PPP1R9A: variants seen among roughly 807,000 people sequenced by gnomAD.
PPP1R9A encodes the protein neurabin-1.
A neutral mutation model predicts 141.9 loss-of-function variants in PPP1R9A; 59 were observed. The observed-to-expected ratio is 0.42, with a 90% confidence interval of 0.34 to 0.52. PPP1R9A has a LOEUF of 0.52. Among genes scored for constraint, PPP1R9A ranks in the 20% least tolerant of loss-of-function variants. The pLI is 0.10. For synonymous variants in PPP1R9A, 500 were observed against 569.7 expected (o/e 0.88, Z 1.74); for missense variants, 1,444 against 1,611.9 (o/e 0.90, Z 1.78).
intron 17 of PPP1R9A, among the ~76,000 whole-genome samples, 180 bp from the exon 18 acceptor site, chr7:95,286,026 A>T (rs534560197): frequency 6.6e-6 from 1 of 152,268 alleles, no homozygotes; most frequent in Non-Finnish European, 1.5e-5. Flanking sequence ...AGCACCCAGA[A>T]TTCCCTCAAC....
At chr7:95,102,584 C>T (rs1034321801) in intron 2 of PPP1R9A, among the ~76,000 whole-genome samples, 3 of 152,186 alleles carry the variant, frequency 2.0e-5, no homozygotes, top group African/African-American at 7.2e-5. Context: ...CATGTGGGCC[C>T]CATGCAGTTT....
chr7:95,274,605 G>A (rs1210330603), intron 16 of PPP1R9A, among the ~76,000 whole-genome samples: 1 of 152,132 alleles, frequency 6.6e-6, no homozygotes, highest in Non-Finnish European at 1.5e-5. Flanking sequence ...ATGTATGTAG[G>A]AGTGACCACC....
At chr7:94,985,546 C>G (rs1459486510) in intron 2 of PPP1R9A, among the ~76,000 whole-genome samples, 1 of 152,104 alleles carries the variant, frequency 6.6e-6, no homozygotes, top group African/African-American at 2.4e-5. Context: ...CTTAGCTCTT[C>G]TTGTTGAATT....
intron 5 of PPP1R9A, among the ~76,000 whole-genome samples, chr7:95,185,378 A>ATTTTTTTTTTTTTTTTTTT (rs147366122): frequency 2.7e-5 from 4 of 148,818 alleles, no homozygotes; most frequent in African/African-American, 9.9e-5. Context: ...TTTTTATGGG[A>ATTTTTTTTTTTTTTTTTTT]TTTTTTTTTT....
At chr7:94,970,402 A>T (rs1563063699) in intron 2 of PPP1R9A, among the ~76,000 whole-genome samples, 2 of 152,078 alleles carry the variant, frequency 1.3e-5, no homozygotes, top group Non-Finnish European at 2.9e-5. Context: ...TAGTGGAGGG[A>T]GTTCCCTGAC....
intron 5 of PPP1R9A, among the ~76,000 whole-genome samples, chr7:95,164,313 C>A (rs1042754508): frequency 6.6e-6 from 1 of 152,154 alleles, no homozygotes; most frequent in Non-Finnish European, 1.5e-5. Flanking sequence ...CATTTACCTC[C>A]ATTGTCCATT....
At chr7:95,198,781 G>A (rs957901063) in intron 6 of PPP1R9A, among the ~76,000 whole-genome samples, 4 of 152,150 alleles carry the variant, frequency 2.6e-5, no homozygotes, top group Middle Eastern at 3.2e-3. Flanking sequence ...TGTGAATAAT[G>A]TCATCTTTAT....
chr7:95,059,018 G>T (rs1412304378), intron 2 of PPP1R9A, among the ~76,000 whole-genome samples: 5 of 152,072 alleles, frequency 3.3e-5, no homozygotes, highest in Non-Finnish European at 2.9e-5. Flanking sequence ...TCGAACTCCT[G>T]ACCTCCAGTG....
At chr7:95,192,235 G>A (rs184646780) in intron 5 of PPP1R9A, among the ~76,000 whole-genome samples, 12 of 151,944 alleles carry the variant, frequency 7.9e-5, no homozygotes, top group Admixed American at 3.9e-4. Flanking sequence ...TCATTTCATC[G>A]TGTTTATTAC....
chr7:95,103,362 C>CTTTTT lies in PPP1R9A; in HGVS notation c.1396-7883_1396-7879dup, dbSNP rs897838647. 6.1e-4 allele frequency among the ~76,000 whole-genome samples: 54 copies of CTTTTT among 88,816 alleles called. 5 individuals are homozygous for CTTTTT. Among genetic ancestry groups the CTTTTT allele is most frequent in the Admixed American group, 2.0e-3 (15 of 7,670 alleles). 58.3% of individuals were successfully genotyped at this position (88,816 alleles called of 152,430 possible). A position where few individuals can be genotyped will look rare whatever the true frequency, so the allele number is the denominator to read the frequency against. On this transcript the variant is annotated intron_variant, in intron 2 of 19. Transcript: ENST00000433360. ...GAGTATGTTTGGTTTTTTTTCACTT[C>CTTTTT]TTTTTTTTTTTTTTTTTTGAGACAG... is the stretch of plus-strand genomic sequence containing the variant.
At chr7:95,058,193 T>C (rs1268377183) in intron 2 of PPP1R9A, among the ~76,000 whole-genome samples, 3 of 152,194 alleles carry the variant, frequency 2.0e-5, no homozygotes, top group Non-Finnish European at 4.4e-5. Flanking sequence ...AGTTAGATTG[T>C]TTAGTTGAAT....
At chr7:95,250,530 T>G (rs1211150633) in intron 10 of PPP1R9A, among the ~76,000 whole-genome samples, 1 of 152,230 alleles carries the variant, frequency 6.6e-6, no homozygotes, top group Non-Finnish European at 1.5e-5. Flanking sequence ...TTAAAACATC[T>G]GAATTTCTTT....
intron 4 of PPP1R9A, chr7:95,155,354 C>A (rs915184850): frequency 6.6e-6 from 1 of 151,942 alleles, no homozygotes; most frequent in Non-Finnish European, 1.5e-5. Flanking sequence ...GCACACCTGG[C>A]TAATTTCTGT....
At chr7:95,109,615 A>C (rs1820180410) in intron 2 of PPP1R9A, among the ~76,000 whole-genome samples, 2 of 152,166 alleles carry the variant, frequency 1.3e-5, no homozygotes, top group Admixed American at 6.5e-5. Flanking sequence ...CCAAGATGGG[A>C]GGATTGCTTG....
intron 3 of PPP1R9A, 112 bp from the exon 4 acceptor site, chr7:95,120,600 C>A: frequency 8.2e-7 from 1 of 1,215,102 alleles, no homozygotes; most frequent in Non-Finnish European, 1.1e-6. Context: ...TGTTATTGTC[C>A]TATCCATAAG....
At chr7:95,267,712 C>T (rs1399415919) in intron 12 of PPP1R9A, among the ~76,000 whole-genome samples, 2 of 152,018 alleles carry the variant, frequency 1.3e-5, no homozygotes, top group Non-Finnish European at 2.9e-5. Context: ...TATTTAAAGA[C>T]TTAAGTATTT....
intron 2 of PPP1R9A, among the ~76,000 whole-genome samples, chr7:95,094,879 CAAAAAAAAA>C (rs1166550834): frequency 8.9e-5 from 4 of 44,992 alleles, no homozygotes; most frequent in African/African-American, 2.2e-4. Context: ...GACTGCGTCT[CAAAAAAAAA>C]AAAAAAAAAA....
At chr7:94,979,516 A>G (rs1799839017) in intron 2 of PPP1R9A, among the ~76,000 whole-genome samples, 1 of 152,214 alleles carries the variant, frequency 6.6e-6, no homozygotes, top group Admixed American at 6.5e-5. Flanking sequence ...TTTGACAGTA[A>G]TTTTAGGTTA....
intron 18 of PPP1R9A, 137 bp from the exon 19 acceptor site, chr7:95,288,399 A>G (rs188551059): frequency 6.2e-4 from 790 of 1,272,134 alleles, no homozygotes; most frequent in Non-Finnish European, 6.3e-4. Context: ...TTCTAACACC[A>G]CTAGAACCAT....
Sources: gnomAD v4.1 joint callset for allele counts (sites outside exome capture counted in the v4.1 genomes callset) on GRCh38, gnomAD v4.1.1 for gene constraint, MANE v1.5 for transcripts, NCBI Gene and HGNC (gene_info 2026-07-23, HGNC 2026-07-21) for gene names.